The following DIAPH2 variants were observed in gnomAD, a reference collection of about 807,000 sequenced individuals.
DIAPH2 encodes the protein diaphanous related formin 2, also known as protein diaphanous homolog 2.
DIAPH2 carries 35 observed loss-of-function variants against 92.7 expected under a neutral mutation model. The ratio of observed to expected loss-of-function variants is 0.38; its 90% CI spans 0.29 to 0.50. DIAPH2 has a LOEUF of 0.50. Ranked by LOEUF, DIAPH2 falls within the 20% of genes least tolerant of loss-of-function variation. DIAPH2 has a pLI of 0.94. For missense variants in DIAPH2, 701 were observed against 819.5 expected, an observed-to-expected ratio of 0.86 and a Z score of 1.77; for synonymous variants, 301 against 280.4, an observed-to-expected ratio of 1.07 and a Z score of -0.73.
chrX:97,540,895 G>A (rs914225569), intron 26 of DIAPH2, among the ~76,000 whole-genome samples: 4 of 111,703 alleles, frequency 3.6e-5, no homozygotes, highest in African/African-American at 1.3e-4. Flanking sequence ...TAGTTAAAAT[G>A]TTATATTTAC....
At chrX:96,720,524 A>C (rs183760454) in intron 1 of DIAPH2, among the ~76,000 whole-genome samples, 4 of 111,776 alleles carry the variant, frequency 3.6e-5, no homozygotes, top group African/African-American at 1.3e-4. Context: ...ACCTTATTAG[A>C]ATACTTTAAA....
chrX:97,415,106 T>A (rs1222856360), intron 25 of DIAPH2, among the ~76,000 whole-genome samples: 1 of 112,211 alleles, frequency 8.9e-6, no homozygotes, highest in African/African-American at 3.2e-5. Context: ...GAAAAAATGC[T>A]CATCATCACT....
intron 4 of DIAPH2, among the ~76,000 whole-genome samples, chrX:96,790,922 A>G (rs1029034773): frequency 9.0e-6 from 1 of 111,582 alleles, no homozygotes; most frequent in Non-Finnish European, 1.9e-5. Context: ...AGGAGATTCA[A>G]TGTACTCCTC....
chrX:97,465,098 C>T (rs956614828), intron 26 of DIAPH2, among the ~76,000 whole-genome samples: 8 of 111,326 alleles, frequency 7.2e-5, no homozygotes, highest in Admixed American at 5.7e-4. Context: ...CTACCCTCCT[C>T]GGCCTCCCAA....
At chrX:96,762,425 T>G (rs191410333) in intron 4 of DIAPH2, among the ~76,000 whole-genome samples, 2 of 111,332 alleles carry the variant, frequency 1.8e-5, no homozygotes, top group Non-Finnish European at 3.8e-5. Flanking sequence ...GATCTTATAA[T>G]AGAAATGCTA....
intron 1 of DIAPH2, among the ~76,000 whole-genome samples, chrX:96,698,116 T>C (rs2063835093): frequency 8.9e-6 from 1 of 112,007 alleles, no homozygotes; most frequent in African/African-American, 3.2e-5. Flanking sequence ...ACTTTACTAC[T>C]GTTGCATATT....
chrX:97,533,494 A>G (rs1204132011), intron 26 of DIAPH2: 1 of 110,826 alleles, frequency 9.0e-6, no homozygotes. Context: ...TATTTACCTC[A>G]TGATTAGATT....
At chrX:97,103,013 T>C (rs1325519202) in intron 20 of DIAPH2, among the ~76,000 whole-genome samples, 2 of 111,761 alleles carry the variant, frequency 1.8e-5, no homozygotes, top group Non-Finnish European at 3.8e-5. Context: ...TAGTAACTAG[T>C]AGTCACAGAA....
At chrX:97,534,805 T>C (rs2071084238) in intron 26 of DIAPH2, among the ~76,000 whole-genome samples, 1 of 111,695 alleles carries the variant, frequency 9.0e-6, no homozygotes, top group African/African-American at 3.3e-5. Context: ...AGTAGGTCAA[T>C]TGGCTACCTC....
chrX:96,755,419 C>T (rs1388155247), intron 3 of DIAPH2, among the ~76,000 whole-genome samples: 2 of 111,054 alleles, frequency 1.8e-5, no homozygotes, highest in Non-Finnish European at 3.8e-5. Flanking sequence ...TTTGGGAGGT[C>T]GAGGTGGGTG....
chrX:96,816,013 C>T (rs952998681), intron 4 of DIAPH2, among the ~76,000 whole-genome samples: 8 of 111,485 alleles, frequency 7.2e-5, no homozygotes, highest in East Asian at 2.8e-4. Context: ...CATCACCTGT[C>T]GACAACCACT....
At chrX:97,035,305 TAATG>T (rs757612271) in intron 17 of DIAPH2, among the ~76,000 whole-genome samples, 1 of 112,250 alleles carries the variant, frequency 8.9e-6, no homozygotes, top group East Asian at 2.8e-4. Flanking sequence ...TGCATGAAGT[TAATG>T]AAGAGAAATT....
chrX:97,491,118 T>A (rs2070722404), intron 26 of DIAPH2, among the ~76,000 whole-genome samples: 1 of 112,089 alleles, frequency 8.9e-6, no homozygotes, highest in South Asian at 3.7e-4. Context: ...GATTTATAAT[T>A]GTTATATCTT....
At chrX:97,107,653 T>G (rs2066951110) in intron 20 of DIAPH2, among the ~76,000 whole-genome samples, 1 of 111,822 alleles carries the variant, frequency 8.9e-6, no homozygotes, top group Admixed American at 9.5e-5. Context: ...TTAAGTCCAT[T>G]CTCCTTTAAT....
At chrX:97,290,945 G>C (rs1432304240) in intron 23 of DIAPH2, among the ~76,000 whole-genome samples, 1 of 109,057 alleles carries the variant, frequency 9.2e-6, no homozygotes, top group Non-Finnish European at 1.9e-5. Context: ...TTAGCCAGGA[G>C]TGGTGGCAGG....
chrX:96,894,480 A>G (rs2065329432), intron 5 of DIAPH2, among the ~76,000 whole-genome samples: 1 of 112,048 alleles, frequency 8.9e-6, no homozygotes, highest in African/African-American at 3.2e-5. Flanking sequence ...CAGCACTAAA[A>G]CTATATTAAG....
intron 24 of DIAPH2, among the ~76,000 whole-genome samples, chrX:97,374,850 A>T (rs1487940500): frequency 8.9e-6 from 1 of 111,806 alleles, no homozygotes; most frequent in Non-Finnish European, 1.9e-5. Flanking sequence ...CCACCATCTT[A>T]TGTAGGTTTT....
At chrX:97,455,520 A>T (rs896830477) in intron 26 of DIAPH2, among the ~76,000 whole-genome samples, 9 of 112,356 alleles carry the variant, frequency 8.0e-5, no homozygotes, top group Admixed American at 1.9e-4. Context: ...CAAAATATTA[A>T]AATCAAATCA....
At chrX:97,311,912 C>G (rs918396353) in intron 23 of DIAPH2, among the ~76,000 whole-genome samples, 1 of 110,715 alleles carries the variant, frequency 9.0e-6, no homozygotes, top group African/African-American at 3.3e-5. Flanking sequence ...ACTGCAAGCT[C>G]TGTCTCCTGG....
Sources: gnomAD v4.1 joint callset for allele counts (sites outside exome capture counted in the v4.1 genomes callset) on GRCh38, gnomAD v4.1.1 for gene constraint, MANE v1.5 for transcripts, NCBI Gene and HGNC (gene_info 2026-07-23, HGNC 2026-07-21) for gene names.